Variants in TTC23 observed in about 807,000 individuals in gnomAD.
The protein encoded by TTC23 is tetratricopeptide repeat domain 23.
In TTC23, 58 loss-of-function variants were observed where a neutral mutation model predicts 55.1. The observed-to-expected ratio is 1.05, with a 90% confidence interval of 0.85 to 1.31. The LOEUF is 1.31. Ranked by LOEUF, TTC23 falls within the 50% of genes most tolerant of loss-of-function variation. The pLI is 0.00. For missense variants in TTC23, 516 were observed against 534.4 expected (o/e 0.97, Z 0.34); for synonymous variants, 203 against 199.9 (o/e 1.02, Z -0.13).
At position 99,169,472 on chromosome 15, in the gene TTC23, T is replaced by G. The variant is rs1003064753; in HGVS notation, c.865+5578A>C. ...ACCTCACTGTGGCTATTCCCAGGTG[T>G]CCATGTCACCTGTCAGGGGCCCACA... is the stretch of plus-strand genomic sequence containing the variant. On this transcript the variant is annotated intron_variant, in intron 10 of 13. Transcript: ENST00000394132. 4.8e-4 allele frequency among the ~76,000 whole-genome samples: 73 copies of G among 152,270 alleles called. 2 individuals are homozygous for G. Among genetic ancestry groups the G allele is most frequent in the Admixed American group, 5.9e-4 (9 of 15,306 alleles).
intron 9 of TTC23, among the ~76,000 whole-genome samples, chr15:99,190,361 C>T (rs767721084): frequency 1.3e-5 from 2 of 151,512 alleles, no homozygotes; most frequent in Non-Finnish European, 2.9e-5. Flanking sequence ...CAACCTCCAC[C>T]TCCTGGGTTC....
chr15:99,197,036 T>C (rs1281315366), intron 9 of TTC23, among the ~76,000 whole-genome samples: 1 of 152,078 alleles, frequency 6.6e-6, no homozygotes, highest in Non-Finnish European at 1.5e-5. Context: ...GTACCTTTTG[T>C]AACTGCCAAC....
intron 8 of TTC23, among the ~76,000 whole-genome samples, 193 bp downstream of exon 8, chr15:99,218,395 G>GAAA (rs1414750673): frequency 1.3e-5 from 2 of 152,174 alleles, no homozygotes; most frequent in African/African-American, 4.8e-5. Flanking sequence ...CACAGAGAGT[G>GAAA]AAAAGTGTCA....
At chr15:99,206,815 T>A (rs28560310) in intron 8 of TTC23, among the ~76,000 whole-genome samples, 59,021 of 151,956 alleles carry the variant, frequency 0.39, 11,857 homozygotes, top group Middle Eastern at 0.56. Context: ...TTATTTGTGC[T>A]TGGATTTTTA....
At chr15:99,236,343 G>A (rs1312387172) in intron 3 of TTC23, among the ~76,000 whole-genome samples, 3 of 152,082 alleles carry the variant, frequency 2.0e-5, no homozygotes, top group Admixed American at 6.6e-5. Flanking sequence ...GATATGAAGT[G>A]ATATCTCATG....
At chr15:99,163,252 A>T (rs1449576464) in intron 10 of TTC23, among the ~76,000 whole-genome samples, 1 of 152,200 alleles carries the variant, frequency 6.6e-6, no homozygotes, top group Non-Finnish European at 1.5e-5. Context: ...CAGAGATTTG[A>T]TGAGAAGGAT....
rs1161013523 is a variant in TTC23 at position 99,234,972 on chromosome 15, G to A, written c.-21+16C>T. On this transcript the variant is annotated intron_variant, in intron 4 of 13. Coordinates refer to ENST00000394132, the MANE Select transcript of TTC23 (RefSeq NM_001288615.3). Reference sequence around the variant, plus strand: ...AAAAAAACTGGTAAAATAAGGCCAAGCATGGTGGCTCATACCTGTAATCCC... The same window carrying A: ...AAAAAAACTGGTAAAATAAGGCCAAACATGGTGGCTCATACCTGTAATCCC... 1.3e-5 allele frequency: 2 copies of A among 151,822 alleles called. No individual in the cohort carries two copies. The highest frequency in any genetic ancestry group is 2.4e-5 in the African/African-American group (1 of 41,342). The allele number at this position is 151,822 out of a possible 1,614,324, so 9.4% of individuals were successfully genotyped here. A position where few individuals can be genotyped will look rare whatever the true frequency, so the allele number is the denominator to read the frequency against.
chr15:99,176,594 C>A (rs1179688302), intron 9 of TTC23, among the ~76,000 whole-genome samples: 1 of 152,066 alleles, frequency 6.6e-6, no homozygotes, highest in East Asian at 1.9e-4. Flanking sequence ...GCCTGGGTGA[C>A]AGAGCAAGAC....
intron 13 of TTC23, among the ~76,000 whole-genome samples, chr15:99,138,431 A>G (rs1455307845): frequency 6.6e-6 from 1 of 151,798 alleles, no homozygotes; most frequent in Admixed American, 6.6e-5. Flanking sequence ...CTCATGCCTC[A>G]GTCTCCCGAG....
At chr15:99,166,197 G>A (rs759451062) in intron 10 of TTC23, among the ~76,000 whole-genome samples, 4 of 152,158 alleles carry the variant, frequency 2.6e-5, no homozygotes, top group African/African-American at 9.7e-5. Flanking sequence ...GGTAGGAGCC[G>A]ATCTCCCTGG....
chr15:99,213,016 A>G lies in TTC23; in HGVS notation c.581+5572T>C, dbSNP rs534865237. Reference sequence around the variant, plus strand: ...AAAAAAAAAAAAAAAAGGGGGGGACATAAATCCAATGAGCGCTGCCTGAGA... The same window carrying G: ...AAAAAAAAAAAAAAAAGGGGGGGACGTAAATCCAATGAGCGCTGCCTGAGA... On this transcript the variant is annotated intron_variant, in intron 8 of 13. Coordinates refer to ENST00000394132, the MANE Select transcript of TTC23 (RefSeq NM_001288615.3). Among the ~76,000 whole-genome samples the G allele has an allele frequency of 5.2e-3, 758 of 146,464 alleles. 1 individual carries two copies. Among genetic ancestry groups the G allele is most frequent in the Non-Finnish European group, 8.7e-3 (581 of 66,444 alleles).
intron 12 of TTC23, among the ~76,000 whole-genome samples, chr15:99,150,575 G>C (rs1435326283): frequency 1.3e-5 from 2 of 152,114 alleles, no homozygotes; most frequent in African/African-American, 4.8e-5. Flanking sequence ...ATTTTTTGGG[G>C]CAATATAGTT....
At chr15:99,154,121 T>C (rs1309036947) in intron 12 of TTC23, among the ~76,000 whole-genome samples, 2 of 152,178 alleles carry the variant, frequency 1.3e-5, no homozygotes, top group Non-Finnish European at 2.9e-5. Flanking sequence ...GCAGCAGGTC[T>C]AAAGGATGTC....
chr15:99,245,911 T>A (rs2080203563), intron 1 of TTC23, among the ~76,000 whole-genome samples: 2 of 151,614 alleles, frequency 1.3e-5, no homozygotes, highest in Admixed American at 1.3e-4. Context: ...TTCAAGACAT[T>A]CTCCTGACTC....
chr15:99,150,933 CT>C (rs1227197583), intron 12 of TTC23, among the ~76,000 whole-genome samples: 9 of 152,198 alleles, frequency 5.9e-5, no homozygotes, highest in Non-Finnish European at 8.8e-5. Flanking sequence ...TCTGAGCGTC[CT>C]TCTTCCAACC....
At chr15:99,168,866 G>C (rs1442462614) in intron 10 of TTC23, among the ~76,000 whole-genome samples, 6 of 152,270 alleles carry the variant, frequency 3.9e-5, no homozygotes, top group Admixed American at 1.3e-4. Context: ...TCAGCAGCGT[G>C]GGGTGGGGAT....
chr15:99,216,368 C>T (rs2077475045), intron 8 of TTC23, among the ~76,000 whole-genome samples: 1 of 152,000 alleles, frequency 6.6e-6, no homozygotes, highest in African/African-American at 2.4e-5. Context: ...ACTCCCAAAG[C>T]ATAAATCATA....
chr15:99,231,556 G>A (rs192533753), intron 4 of TTC23, among the ~76,000 whole-genome samples: 171 of 151,676 alleles, frequency 1.1e-3, no homozygotes, highest in African/African-American at 3.2e-3. Flanking sequence ...CAGTTGGCAC[G>A]ATCTCGGCTC....
intron 3 of TTC23, among the ~76,000 whole-genome samples, chr15:99,237,130 C>T (rs1272838083): frequency 2.6e-5 from 4 of 151,862 alleles, no homozygotes; most frequent in Admixed American, 6.6e-5. Context: ...TACAGGCGCC[C>T]GCCACCATGC....
Sources: allele counts gnomAD v4.1 joint callset (sites outside exome capture counted in the v4.1 genomes callset), GRCh38; gene constraint gnomAD v4.1.1; transcripts MANE v1.5; gene names NCBI Gene and HGNC (gene_info 2026-07-23, HGNC 2026-07-21).